PPP4R4: variants seen among roughly 807,000 people sequenced by gnomAD.
PPP4R4 encodes the protein serine/threonine-protein phosphatase 4 regulatory subunit 4.
A neutral mutation model predicts 121.8 loss-of-function variants in PPP4R4; 70 were observed. That is an observed-to-expected ratio of 0.57 (90% CI 0.47 to 0.70). PPP4R4 has a LOEUF of 0.70. PPP4R4 is among the 30% of genes least tolerant of loss of function. PPP4R4 has a pLI of 0.00. For missense variants in PPP4R4, 875 were observed against 1,033.6 expected (o/e 0.85, Z 2.10); for synonymous variants, 348 against 355.7 (o/e 0.98, Z 0.24).
At chr14:94,240,623 A>G in intron 8 of PPP4R4, 50 bp from the exon 9 acceptor site, 1 of 1,553,482 alleles carries the variant, frequency 6.4e-7, no homozygotes, top group African/African-American at 1.4e-5. Context: ...CCACATGTGC[A>G]ATGTGGACGA....
At chr14:94,201,908 T>C (rs1890203670) in intron 2 of PPP4R4, among the ~76,000 whole-genome samples, 1 of 149,834 alleles carries the variant, frequency 6.7e-6, no homozygotes, top group Admixed American at 6.6e-5. Flanking sequence ...CATCAGTCAA[T>C]GAGTAGATAA....
At chr14:94,178,265 G>A (rs752964557) in intron 2 of PPP4R4, among the ~76,000 whole-genome samples, 33 of 151,180 alleles carry the variant, frequency 2.2e-4, no homozygotes, top group African/African-American at 6.3e-4. Context: ...CCTTTTTTCC[G>A]TCTGTCATTG....
intron 3 of PPP4R4, among the ~76,000 whole-genome samples, chr14:94,220,544 G>C (rs577341817): frequency 6.6e-6 from 1 of 152,074 alleles, no homozygotes; most frequent in Admixed American, 6.5e-5. Context: ...GTATAGAAAG[G>C]TTATGGGATA....
At chr14:94,194,512 T>A (rs982354977) in intron 2 of PPP4R4, among the ~76,000 whole-genome samples, 1 of 152,230 alleles carries the variant, frequency 6.6e-6, no homozygotes, top group Non-Finnish European at 1.5e-5. Context: ...TATTTAAAAA[T>A]TACATGTGTG....
chr14:94,230,626 G>T lies in PPP4R4; in HGVS notation c.334G>T (p.Ala112Ser). ...HVAGVEMQLT[A>S]AMSFLTILQD... ...TGCAGGAGTGGAAATGCAGTTAACG[G>T]CTGCGATGTCATTTCTGACCATTCT... is the stretch of plus-strand genomic sequence containing the variant. Residue 112 changes from alanine to serine, a missense_variant, in exon 4 of 25, where the codon GCT (alanine) becomes TCT (serine). Physicochemically the swap from Ala to Ser is moderately conservative, Grantham distance 99. Coordinates refer to ENST00000304338, the MANE Select transcript of PPP4R4 (RefSeq NM_058237.2). 1 of 1,613,054 alleles carries T rather than the reference G, an allele frequency of 6.2e-7. No homozygotes were observed. The highest frequency in any genetic ancestry group is 8.5e-7 in the Non-Finnish European group (1 of 1,179,056).
intron 2 of PPP4R4, among the ~76,000 whole-genome samples, chr14:94,187,147 A>C (rs867421248): frequency 4.6e-5 from 7 of 152,012 alleles, no homozygotes; most frequent in Non-Finnish European, 7.4e-5. Flanking sequence ...CCCTGTCTCT[A>C]CTAAAAATAC....
intron 7 of PPP4R4, among the ~76,000 whole-genome samples, chr14:94,235,830 C>G (rs934558503): frequency 6.6e-6 from 1 of 152,120 alleles, no homozygotes; most frequent in Non-Finnish European, 1.5e-5. Flanking sequence ...TAAAAACCAT[C>G]TTGGGAAATC....
At chr14:94,268,430 G>A (rs1002177250) in intron 23 of PPP4R4, among the ~76,000 whole-genome samples, 7 of 152,102 alleles carry the variant, frequency 4.6e-5, no homozygotes, top group African/African-American at 1.7e-4. Flanking sequence ...TTAATTAAGT[G>A]CATTAATTTA....
chr14:94,256,722 A>C (rs1459741119), intron 17 of PPP4R4, 118 bp downstream of exon 17: 5 of 1,084,284 alleles, frequency 4.6e-6, no homozygotes, highest in Non-Finnish European at 6.3e-6. Context: ...TCCTTGCTAA[A>C]ATTGTAAGAA....
chr14:94,256,821 T>C (rs1454069908), intron 17 of PPP4R4, among the ~76,000 whole-genome samples: 1 of 152,174 alleles, frequency 6.6e-6, no homozygotes, highest in Non-Finnish European at 1.5e-5. Flanking sequence ...ACTAGTAATA[T>C]AAGCCCATGT....
At chr14:94,217,573 T>C (rs1891092395) in intron 3 of PPP4R4, among the ~76,000 whole-genome samples, 1 of 152,072 alleles carries the variant, frequency 6.6e-6, no homozygotes, top group African/African-American at 2.4e-5. Flanking sequence ...GACCCAGATA[T>C]TGGAAGTATT....
chr14:94,198,133 T>G (rs1180343861), intron 2 of PPP4R4, among the ~76,000 whole-genome samples: 1 of 152,224 alleles, frequency 6.6e-6, no homozygotes, highest in Non-Finnish European at 1.5e-5. Context: ...AAAATGATCG[T>G]ATTATTTTAT....
At chr14:94,269,296 A>G (rs918132661) in intron 23 of PPP4R4, among the ~76,000 whole-genome samples, 1 of 152,136 alleles carries the variant, frequency 6.6e-6, no homozygotes, top group Non-Finnish European at 1.5e-5. Flanking sequence ...GTCATAAACA[A>G]AAGATGATTG....
intron 11 of PPP4R4, among the ~76,000 whole-genome samples, chr14:94,243,660 G>C (rs928519773): frequency 6.6e-6 from 1 of 152,074 alleles, no homozygotes; most frequent in African/African-American, 2.4e-5. Context: ...AAGTGAGTTT[G>C]ATAATCATTG....
intron 3 of PPP4R4, among the ~76,000 whole-genome samples, chr14:94,226,741 CAAAAT>C (rs1398322331): frequency 3.3e-5 from 5 of 152,154 alleles, no homozygotes; most frequent in Admixed American, 3.3e-4. Context: ...TATTTAATTT[CAAAAT>C]AATCAATGCT....
At chr14:94,267,319 A>C (rs1894101725) in intron 23 of PPP4R4, among the ~76,000 whole-genome samples, 1 of 152,196 alleles carries the variant, frequency 6.6e-6, no homozygotes, top group African/African-American at 2.4e-5. Context: ...ACAGACAAAA[A>C]GGTTTTGCAA....
intron 2 of PPP4R4, among the ~76,000 whole-genome samples, chr14:94,182,357 A>G (rs530460625): frequency 6.6e-6 from 1 of 152,332 alleles, no homozygotes; most frequent in Non-Finnish European, 1.5e-5. Context: ...ACACCCATGT[A>G]CCCAGTATCC....
intron 2 of PPP4R4, among the ~76,000 whole-genome samples, chr14:94,179,192 A>G (rs1048284168): frequency 6.6e-6 from 1 of 152,140 alleles, no homozygotes; most frequent in African/African-American, 2.4e-5. Context: ...CATCACCCCC[A>G]AAAGAAACCT....
intron 22 of PPP4R4, 85 bp downstream of exon 22, chr14:94,265,972 A>G (rs1296255617): frequency 2.1e-6 from 2 of 954,476 alleles, no homozygotes; most frequent in African/African-American, 3.5e-5. Flanking sequence ...TTTTATAAAA[A>G]TCAGAATTAA....
Sources: allele counts gnomAD v4.1 joint callset (sites outside exome capture counted in the v4.1 genomes callset), GRCh38; gene constraint gnomAD v4.1.1; transcripts MANE v1.5; gene names NCBI Gene and HGNC (gene_info 2026-07-23, HGNC 2026-07-21).